ZIM3: variants seen among roughly 807,000 people sequenced by gnomAD.
ZIM3 encodes zinc finger imprinted 3.
Under a neutral mutation model 12.9 loss-of-function variants are expected in ZIM3, and 11 were observed. That is an observed-to-expected ratio of 0.85 (90% CI 0.54 to 1.41). The LOEUF (loss-of-function observed/expected upper bound fraction) is 1.41. ZIM3 is among the 40% of genes most tolerant of loss of function. ZIM3 has a pLI of 0.00. For missense variants in ZIM3, 604 were observed against 557.2 expected (o/e 1.08, Z -0.85); for synonymous variants, 205 against 198.5 (o/e 1.03, Z -0.28).
intron 2 of ZIM3, among the ~76,000 whole-genome samples, chr19:57,140,009 A>G (rs920533815): frequency 1.4e-4 from 21 of 152,232 alleles, no homozygotes; most frequent in African/African-American, 5.1e-4. Context: ...TGCCCCTGCC[A>G]CTCAACACTC....
At position 57,135,054 on chromosome 19, in the gene ZIM3, A is replaced by G; in HGVS notation, c.1283T>C (p.Phe428Ser). The change falls in exon 5 of 5, where the codon TTC (phenylalanine) becomes TCC (serine). Residue 428 changes from phenylalanine to serine, a missense_variant. Phe to Ser is a radical substitution (Grantham distance 155). Coordinates refer to ENST00000269834, the MANE Select transcript of ZIM3 (RefSeq NM_052882.1). ...CAAACTAAGGTTTAATTTCCGGATG[A>G]AGGTTTTTCCACATTCACTACATCT... is the stretch of plus-strand genomic sequence containing the variant. ...TYRCSECGKT[F>S]IRKLNLSLHK... 1 of 1,614,140 alleles carries G rather than the reference A, an allele frequency of 6.2e-7. No homozygotes were observed. The highest frequency in any genetic ancestry group is 8.5e-7 in the Non-Finnish European group (1 of 1,180,010).
intron 3 of ZIM3, among the ~76,000 whole-genome samples, chr19:57,138,034 A>G (rs200205771): frequency 5.7e-3 from 125 of 21,748 alleles, no homozygotes; most frequent in Middle Eastern, 0.045. Context: ...AAGGAAGGAA[A>G]GAAGGAAGGA....
intron 2 of ZIM3, among the ~76,000 whole-genome samples, chr19:57,140,215 A>T (rs2086907582): frequency 6.6e-6 from 1 of 152,022 alleles, no homozygotes; most frequent in Non-Finnish European, 1.5e-5. Context: ...TCACTCTGGT[A>T]GCCCAGGCTG....
chr19:57,138,467 C>G lies in ZIM3; in HGVS notation c.142+5G>C. 1 of 1,614,158 alleles carries G rather than the reference C, an allele frequency of 6.2e-7. No individual in the cohort carries two copies. Among genetic ancestry groups the G allele is most frequent in the Non-Finnish European group, 8.5e-7 (1 of 1,180,024 alleles). On this transcript the variant is annotated splice_donor_5th_base_variant and intron_variant, in intron 3 of 4. Transcript: ENST00000269834. Reference sequence around the variant, plus strand: ...GAGTCCCCCTGCCCGGGAAGCCGTCCTTACCCACAGAGACAAGGTTGCTGT... The same window carrying G: ...GAGTCCCCCTGCCCGGGAAGCCGTCGTTACCCACAGAGACAAGGTTGCTGT...
Position 57,134,616 on chromosome 19 carries a change from G to A in ZIM3, c.*302C>T, listed in dbSNP as rs1022005322. On this transcript the variant is annotated 3_prime_UTR_variant, in exon 5 of 5. Transcript: ENST00000269834. ...GTCTTTTAAACGTTTTTAAAGATATGGATACCACTGGTCATTATTCACTGG... is the reference window on the plus strand; with the variant it reads ...GTCTTTTAAACGTTTTTAAAGATATAGATACCACTGGTCATTATTCACTGG... 2 of 296,846 alleles carry A rather than the reference G, an allele frequency of 6.7e-6. No individual in the cohort carries two copies. Among genetic ancestry groups the A allele is most frequent in the African/African-American group, 2.2e-5 (1 of 46,144 alleles). The allele number at this position is 296,846 out of a possible 1,614,324, so 18.4% of individuals were successfully genotyped here.
At chr19:57,142,588 G>A (rs774051170) in intron 2 of ZIM3, 41 bp downstream of exon 2, 9 of 1,609,126 alleles carry the variant, frequency 5.6e-6, no homozygotes, top group African/African-American at 4.0e-5. Context: ...TGGGTCATAC[G>A]TTTATTCATT....
At chr19:57,138,356 A>T in intron 3 of ZIM3, 116 bp downstream of exon 3, 1 of 1,485,234 alleles carries the variant, frequency 6.7e-7, no homozygotes, top group South Asian at 1.2e-5. Context: ...CGGCTCTACA[A>T]AAACATATGC....
At position 57,136,036 on chromosome 19, in the gene ZIM3, C is replaced by T. The variant is rs1197648246; in HGVS notation, c.301G>A (p.Ala101Thr). 6 of 1,613,980 alleles carry T rather than the reference C, an allele frequency of 3.7e-6. No individual in the cohort carries two copies. Among genetic ancestry groups the T allele is most frequent in the African/African-American group, 2.7e-5 (2 of 74,918 alleles). The change falls in exon 5 of 5, where the codon GCA becomes ACA. Residue 101 changes from alanine to threonine, a missense_variant. Transcript: ENST00000269834. ...WKPKDVKESL[A>T]REVPSINKET... ...TTATTGATTGATGGGACTTCTCTTG[C>T]GAGACTCTCTTTCACATCCTTTGGC...
chr19:57,138,205 C>T (rs1020855998), intron 3 of ZIM3, among the ~76,000 whole-genome samples: 14 of 152,092 alleles, frequency 9.2e-5, no homozygotes, highest in Middle Eastern at 3.4e-3. Context: ...AAATCAAGAC[C>T]AGGAGTAGGG....
At chr19:57,137,088 G>C in intron 3 of ZIM3, 117 bp from the exon 4 acceptor site, 1 of 965,764 alleles carries the variant, frequency 1.0e-6, no homozygotes, top group South Asian at 1.4e-5. Context: ...GTGTGAGTGT[G>C]AGCATTTATA....
intron 2 of ZIM3, among the ~76,000 whole-genome samples, chr19:57,141,042 CAT>C (rs2086911254): frequency 6.6e-6 from 1 of 152,130 alleles, no homozygotes; most frequent in Admixed American, 6.5e-5. Flanking sequence ...GTGAAACACA[CAT>C]GACACTGTTA....
chr19:57,142,659 A>T lies in ZIM3; in HGVS notation c.-16T>A. 1 of 1,613,112 alleles carries T rather than the reference A, an allele frequency of 6.2e-7. No homozygotes were observed. Among genetic ancestry groups the T allele is most frequent in the East Asian group, 2.2e-5 (1 of 44,842 alleles). ...AATTGTTCATTTCCTGTTCTTCACC[A>T]GTCAGTAAAGTCTTGGGAAGGCAGA... is the stretch of plus-strand genomic sequence containing the variant. On this transcript the variant is annotated 5_prime_UTR_variant, in exon 2 of 5. Transcript: ENST00000269834.
At chr19:57,143,761 T>C (rs2086925452) in intron 1 of ZIM3, among the ~76,000 whole-genome samples, 1 of 150,022 alleles carries the variant, frequency 6.7e-6, no homozygotes, top group African/African-American at 2.5e-5. Flanking sequence ...CTGCAACCTC[T>C]GCCTCCCGGG....
chr19:57,137,086 G>T, intron 3 of ZIM3, 115 bp from the exon 4 acceptor site: 1 of 984,728 alleles, frequency 1.0e-6, no homozygotes, highest in East Asian at 2.4e-5. Flanking sequence ...GTGTGTGAGT[G>T]TGAGCATTTA....
At position 57,138,532 on chromosome 19, in the gene ZIM3, C is replaced by T. The variant is rs2370134; in HGVS notation, c.82G>A (p.Glu28Lys). The T allele has an allele frequency of 0.17, 273,325 of 1,613,910 alleles. 24,608 individuals carry two copies. Among genetic ancestry groups the T allele is most frequent in the East Asian group, 0.25 (11,073 of 44,858 alleles). ...TQGEWQRLNPEQRNLYRDVML... is the reference protein window; with the variant it reads ...TQGEWQRLNPKQRNLYRDVML... ...ACATCCCTGTACAAGTTTCTCTGTTCGGGATTCAGCCGCTGCCACTCCCCC... is the reference window on the plus strand; with the variant it reads ...ACATCCCTGTACAAGTTTCTCTGTTTGGGATTCAGCCGCTGCCACTCCCCC... The change falls in exon 3 of 5, where the codon GAA becomes AAA. Residue 28 changes from glutamate (E) to lysine (K), a missense_variant. Physicochemically the swap from Glu to Lys is moderately conservative, Grantham distance 56. Transcript: ENST00000269834.
intron 2 of ZIM3, among the ~76,000 whole-genome samples, chr19:57,140,839 A>G (rs528790274): frequency 1.3e-5 from 2 of 152,280 alleles, no homozygotes; most frequent in East Asian, 3.9e-4. Context: ...CAAAGAAACT[A>G]CTATCTGCCT....
rs200968066 is a variant in ZIM3, at chr19:57,135,016, G to A, written c.1321C>T (p.His441Tyr). 2.0e-5 allele frequency: 32 copies of A among 1,613,912 alleles called. No individual in the cohort carries two copies. The South Asian group carries it at 3.0e-4, about 15-fold the overall frequency. The stretch of plus-strand genomic sequence containing the variant: ...CATCCATAAGGTTTTTGTCCAGTAT[G>A]GGTTTTTTTATGCAAACTAAGGTTT... The part of the protein sequence containing the change: ...KLNLSLHKKT[H>Y]TGQKPYGCSE... The change falls in exon 5 of 5, where the codon CAT (histidine) becomes TAT (tyrosine). Residue 441 changes from histidine to tyrosine, a missense_variant. By Grantham distance (83) the His-to-Tyr change is moderately conservative. Transcript: ENST00000269834.
chr19:57,136,305 G>A (rs2086886604), intron 4 of ZIM3, among the ~76,000 whole-genome samples: 1 of 152,118 alleles, frequency 6.6e-6, no homozygotes. Context: ...ACTGAGCAAC[G>A]TAGACCTAGT....
rs2086882770 is a variant in ZIM3, at chr19:57,135,640, T to C, written c.697A>G (p.Lys233Glu). Residue 233 changes from lysine (K) to glutamate (E), a missense_variant, in exon 5 of 5, where the codon AAG (lysine) becomes GAG (glutamate). Physicochemically the swap from Lys to Glu is moderately conservative, Grantham distance 56. Transcript: ENST00000269834. ...YKCENCGNAY[K>E]QKSNLFQHQK... ...TGTTGAAAGAGATTTGACTTCTGCT[T>C]GTAGGCATTTCCACAGTTCTCACAT... 6.2e-7 allele frequency: 1 copy of C among 1,612,030 alleles called. No individual in the cohort carries two copies. Among genetic ancestry groups the C allele is most frequent in the Non-Finnish European group, 8.5e-7 (1 of 1,178,310 alleles).
Sources: allele counts gnomAD v4.1 joint callset (sites outside exome capture counted in the v4.1 genomes callset), GRCh38; gene constraint gnomAD v4.1.1; transcripts MANE v1.5; gene names NCBI Gene and HGNC (gene_info 2026-07-23, HGNC 2026-07-21).